The following LPIN1 variants were observed in gnomAD, a reference collection of about 807,000 sequenced individuals.
LPIN1 encodes phosphatidate phosphatase LPIN1.
LPIN1 carries 71 observed loss-of-function variants against 107.5 expected under a neutral mutation model. That is an observed-to-expected ratio of 0.66 (90% CI 0.55 to 0.80). LPIN1 has a LOEUF of 0.80. Ranked by LOEUF, LPIN1 falls within the 30% of genes least tolerant of loss-of-function variation. LPIN1 has a pLI of 0.00. For missense variants in LPIN1, 1,043 were observed against 1,160.6 expected (o/e 0.90, Z 1.47); for synonymous variants, 445 against 452.6 (o/e 0.98, Z 0.21).
At chr2:11,746,509 G>T (rs1666930597), upstream of LPIN1, 2 of 279,878 alleles carry the variant, frequency 7.1e-6, no homozygotes, top group Non-Finnish European at 1.1e-5. Flanking sequence ...CCTGAAAGCA[G>T]CCGGGCCACC....
intron 14 of LPIN1, among the ~76,000 whole-genome samples, chr2:11,802,078 C>A (rs1677847971): frequency 6.6e-6 from 1 of 152,092 alleles, no homozygotes. Flanking sequence ...TCAGCCTTTT[C>A]CATTTAGTCT....
At chr2:11,796,828 T>G (rs1676808008) in intron 14 of LPIN1, among the ~76,000 whole-genome samples, 1 of 152,164 alleles carries the variant, frequency 6.6e-6, no homozygotes, top group South Asian at 2.1e-4. Flanking sequence ...CATTTCAAAA[T>G]AAGTGGTTGT....
intron 1 of LPIN1, among the ~76,000 whole-genome samples, chr2:11,758,050 T>C (rs1668947207): frequency 6.6e-6 from 1 of 152,238 alleles, no homozygotes; most frequent in South Asian, 2.1e-4. Flanking sequence ...GCCTATTTCA[T>C]TTAGCCTACT....
At chr2:11,806,601 C>A (rs975715322) in intron 17 of LPIN1, among the ~76,000 whole-genome samples, 3 of 152,142 alleles carry the variant, frequency 2.0e-5, no homozygotes, top group Admixed American at 1.3e-4. Context: ...ATTAAAAAAG[C>A]TTCAGATGTC....
At chr2:11,708,898 A>T (rs1663264165) in intron 1 of LPIN1, among the ~76,000 whole-genome samples, 1 of 152,088 alleles carries the variant, frequency 6.6e-6, no homozygotes, top group South Asian at 2.1e-4. Flanking sequence ...ATCTTCTTTA[A>T]TCCTCACAAG....
chr2:11,778,971 A>G (rs1257238410), intron 6 of LPIN1, among the ~76,000 whole-genome samples: 2 of 152,214 alleles, frequency 1.3e-5, no homozygotes, highest in African/African-American at 2.4e-5. Context: ...CTCCTGCCCA[A>G]CGTTATCGAG....
intron 17 of LPIN1, among the ~76,000 whole-genome samples, chr2:11,810,947 CT>C (rs1286025602): frequency 2.7e-5 from 4 of 150,196 alleles, no homozygotes; most frequent in African/African-American, 4.9e-5. Flanking sequence ...ATGGATCCCT[CT>C]TTTTTTTTTC....
intron 1 of LPIN1, among the ~76,000 whole-genome samples, chr2:11,751,524 T>A (rs956944800): frequency 7.9e-5 from 12 of 152,228 alleles, no homozygotes; most frequent in African/African-American, 2.7e-4. Context: ...AGAATTTTTT[T>A]ATGCATATCA....
At chr2:11,784,458 G>A in intron 9 of LPIN1, 1 of 1,102,164 alleles carries the variant, frequency 9.1e-7, no homozygotes, top group Non-Finnish European at 1.1e-6. Context: ...TCCCTGCAAA[G>A]CCTGAGGTCA....
intron 1 of LPIN1, among the ~76,000 whole-genome samples, chr2:11,736,793 C>T (rs1159703092): frequency 6.6e-6 from 1 of 152,250 alleles, no homozygotes; most frequent in East Asian, 1.9e-4. Flanking sequence ...TTGCCCCCTT[C>T]CCTTTGCAGC....
intron 1 of LPIN1, among the ~76,000 whole-genome samples, chr2:11,755,249 G>A (rs967674048): frequency 1.3e-5 from 2 of 152,126 alleles, no homozygotes; most frequent in African/African-American, 2.4e-5. Context: ...TTACAGGCAT[G>A]AGCCACCGCG....
At chr2:11,755,773 G>T (rs929637640) in intron 1 of LPIN1, among the ~76,000 whole-genome samples, 2 of 151,336 alleles carry the variant, frequency 1.3e-5, no homozygotes, top group African/African-American at 4.9e-5. Flanking sequence ...CCAAGCTGGA[G>T]TTCAGTGGCG....
At chr2:11,735,586 C>T (rs1009234765) in intron 1 of LPIN1, among the ~76,000 whole-genome samples, 1 of 152,126 alleles carries the variant, frequency 6.6e-6, no homozygotes, top group African/African-American at 2.4e-5. Flanking sequence ...TTCTGTGGGT[C>T]TGGCATACAC....
chr2:11,692,226 A>G lies in LPIN1; in HGVS notation c.81+14498A>G, dbSNP rs147047489. ...TGTCCTTACTGCCCCAGGGATTTTGAATATTTTTGCTTTCTGTGAAAATGC... is the reference window on the plus strand; with the variant it reads ...TGTCCTTACTGCCCCAGGGATTTTGGATATTTTTGCTTTCTGTGAAAATGC... On this transcript the variant is annotated intron_variant, in intron 1 of 21. Transcript: ENST00000449576. Among the ~76,000 whole-genome samples, 26 of 152,158 alleles carry G rather than the reference A, an allele frequency of 1.7e-4. No individual in the cohort carries two copies. In the East Asian group the frequency reaches 4.6e-3, roughly 27 times the overall value.
chr2:11,789,710 C>T (rs1274633607), intron 12 of LPIN1, among the ~76,000 whole-genome samples: 1 of 151,896 alleles, frequency 6.6e-6, no homozygotes, highest in African/African-American at 2.4e-5. Flanking sequence ...GCCATGGTAT[C>T]CATGGCCTGG....
At chr2:11,728,586 A>G (rs1185795797) in intron 1 of LPIN1, among the ~76,000 whole-genome samples, 1 of 151,948 alleles carries the variant, frequency 6.6e-6, no homozygotes, top group Non-Finnish European at 1.5e-5. Flanking sequence ...GGGTTTCACC[A>G]TGTTGCCCAG....
chr2:11,760,689 C>T (rs977409635), intron 1 of LPIN1, among the ~76,000 whole-genome samples: 4 of 149,212 alleles, frequency 2.7e-5, no homozygotes, highest in South Asian at 2.2e-4. Flanking sequence ...GACAGGGAGA[C>T]GGTGGGGAGA....
intron 13 of LPIN1, among the ~76,000 whole-genome samples, chr2:11,792,662 C>T (rs764915006): frequency 1.3e-5 from 2 of 152,164 alleles, no homozygotes; most frequent in African/African-American, 2.4e-5. Flanking sequence ...GCATTACAGG[C>T]GTGAGCCACC....
At position 11,707,986 on chromosome 2, in the gene LPIN1, C is replaced by T. The variant is rs1370206527; in HGVS notation, c.82-5770C>T. On this transcript the variant is annotated intron_variant, in intron 1 of 21. Coordinates refer to the LPIN1 transcript ENST00000449576. The surrounding 1 kb of genome is among the most constrained non-coding windows in gnomAD (Gnocchi z 4.2). Reference sequence around the variant, plus strand: ...GGGAAGTGAACTGAACTGGGCTTCACTGAGAAAGATCCTGAGTGATGATCA... The same window carrying T: ...GGGAAGTGAACTGAACTGGGCTTCATTGAGAAAGATCCTGAGTGATGATCA... Among the ~76,000 whole-genome samples the T allele has an allele frequency of 6.6e-6, 1 of 152,162 alleles. No homozygotes were observed. The highest frequency in any genetic ancestry group is 1.5e-5 in the Non-Finnish European group (1 of 68,028).
Sources: gnomAD v4.1 joint callset for allele counts (sites outside exome capture counted in the v4.1 genomes callset) on GRCh38, gnomAD v4.1.1 for gene constraint, Gnocchi (gnomAD v3.1) non-coding constraint, MANE v1.5 for transcripts, NCBI Gene and HGNC (gene_info 2026-07-23, HGNC 2026-07-21) for gene names.